The following NTM variants were observed in gnomAD, a reference collection of about 807,000 sequenced individuals.
NTM encodes the protein neurotrimin.
NTM carries 13 observed loss-of-function variants against 42.1 expected under a neutral mutation model. The observed-to-expected ratio is 0.31, with a 90% CI of 0.20 to 0.49. The LOEUF (loss-of-function observed/expected upper bound fraction) is 0.49, where lower values mean the gene tolerates loss of function less well. Among genes scored for constraint, NTM ranks in the 20% least tolerant of loss-of-function variants. NTM has a pLI of 0.99. For missense variants in NTM, 373 were observed against 452.8 expected (o/e 0.82, Z 1.60); for synonymous variants, 187 against 179.2 (o/e 1.04, Z -0.35).
At chr11:131,906,111 T>A (rs1592723618) in intron 1 of NTM, among the ~76,000 whole-genome samples, 1 of 152,140 alleles carries the variant, frequency 6.6e-6, no homozygotes, top group African/African-American at 2.4e-5. Flanking sequence ...TTTTTGTTCC[T>A]CTCAACACAG....
intron 1 of NTM, among the ~76,000 whole-genome samples, chr11:131,763,309 G>A (rs2084529992): frequency 6.6e-6 from 1 of 152,200 alleles, no homozygotes; most frequent in Non-Finnish European, 1.5e-5. Context: ...GAAATGTGGT[G>A]ATGCAAGATT....
At chr11:131,660,637 TC>T (rs1296321580) in intron 1 of NTM, 1 of 453,578 alleles carries the variant, frequency 2.2e-6, no homozygotes, top group Non-Finnish European at 4.4e-6. Context: ...TGTGCACCCC[TC>T]CCCCCTTATT....
intron 2 of NTM, among the ~76,000 whole-genome samples, chr11:131,926,509 C>T (rs570596216): frequency 2.0e-5 from 3 of 151,904 alleles, no homozygotes; most frequent in Admixed American, 6.6e-5. Context: ...ATGACCTAGT[C>T]AAAGACGAGC....
chr11:131,714,845 C>T (rs2077523977), intron 1 of NTM, among the ~76,000 whole-genome samples: 1 of 152,134 alleles, frequency 6.6e-6, no homozygotes, highest in African/African-American at 2.4e-5. Flanking sequence ...TGTCCACAGC[C>T]TTTGCAGTTT....
chr11:131,430,199 A>C (rs1948539818), intron 1 of NTM, among the ~76,000 whole-genome samples: 1 of 152,214 alleles, frequency 6.6e-6, no homozygotes, highest in Admixed American at 6.5e-5. Flanking sequence ...AATTGCAATA[A>C]AACAAAAATA....
chr11:131,600,588 G>T (rs1359551310), intron 1 of NTM, among the ~76,000 whole-genome samples: 1 of 152,098 alleles, frequency 6.6e-6, no homozygotes, highest in Non-Finnish European at 1.5e-5. Flanking sequence ...CCATGCTATT[G>T]CTTTGCATTT....
intron 1 of NTM, among the ~76,000 whole-genome samples, chr11:131,431,920 G>A (rs753926226): frequency 9.9e-5 from 15 of 152,002 alleles, no homozygotes; most frequent in Admixed American, 2.0e-4. Context: ...CAACCACCAC[G>A]CAAACTTCCC....
At position 132,002,748 on chromosome 11, in the gene NTM, C is replaced by T. The variant is rs2069608118; in HGVS notation, c.167+91100C>T. 1.3e-5 allele frequency among the ~76,000 whole-genome samples: 2 copies of T among 152,086 alleles called. No individual in the cohort carries two copies. The highest frequency in any genetic ancestry group is 6.5e-5 in the Admixed American group (1 of 15,270). On this transcript the variant is annotated intron_variant, in intron 2 of 8. Transcript: ENST00000683400. This position sits in a 1 kb window ranked among gnomAD's most constrained non-coding sequence, Gnocchi z 4.5. ...GTTTGAATTCAAGTTCTGCCACTTC[C>T]TTACTCTGTCTCTTTATCAATAAAC...
At chr11:132,028,556 T>C (rs1405929525) in intron 2 of NTM, among the ~76,000 whole-genome samples, 2 of 152,094 alleles carry the variant, frequency 1.3e-5, no homozygotes, top group Admixed American at 6.5e-5. Context: ...GATGTGACCA[T>C]GGGTGTGGGG....
At chr11:131,382,690 C>T (rs975145337) in intron 1 of NTM, among the ~76,000 whole-genome samples, 2 of 152,128 alleles carry the variant, frequency 1.3e-5, no homozygotes, top group African/African-American at 4.8e-5. Context: ...TGGCATCCTT[C>T]GTTCTTTCTT....
At chr11:132,164,678 A>G (rs2074978880) in intron 3 of NTM, among the ~76,000 whole-genome samples, 3 of 151,968 alleles carry the variant, frequency 2.0e-5, no homozygotes, top group Admixed American at 2.0e-4. Flanking sequence ...GTTGTCACAA[A>G]TGGGGACACT....
intron 1 of NTM, among the ~76,000 whole-genome samples, chr11:131,617,501 A>G (rs930968140): frequency 4.6e-5 from 7 of 152,126 alleles, no homozygotes; most frequent in Admixed American, 3.3e-4. Flanking sequence ...AAGTGAAAGT[A>G]TGAGCTGAGC....
intron 1 of NTM, among the ~76,000 whole-genome samples, chr11:131,828,123 A>G (rs1684294240): frequency 6.6e-6 from 1 of 151,234 alleles, no homozygotes; most frequent in Non-Finnish European, 1.5e-5. Flanking sequence ...TATTTGTAAG[A>G]TGAAGAAAAA....
intron 1 of NTM, among the ~76,000 whole-genome samples, chr11:131,377,315 T>G (rs1181988137): frequency 6.6e-6 from 1 of 152,194 alleles, no homozygotes; most frequent in Admixed American, 6.5e-5. Context: ...GTCATTGTCT[T>G]GTGTGTTTGA....
chr11:131,403,858 A>T (rs1487600800), intron 1 of NTM, among the ~76,000 whole-genome samples: 1 of 152,178 alleles, frequency 6.6e-6, no homozygotes, highest in Non-Finnish European at 1.5e-5. Flanking sequence ...CACTCCTGTT[A>T]TAATGGAAAA....
intron 1 of NTM, among the ~76,000 whole-genome samples, chr11:131,446,520 A>AT (rs955438738): frequency 3.9e-5 from 6 of 152,200 alleles, no homozygotes; most frequent in African/African-American, 1.4e-4. Context: ...CATTAAAAAA[A>AT]ATGAATTCTT....
At chr11:131,552,163 A>T (rs1445336655) in intron 1 of NTM, among the ~76,000 whole-genome samples, 1 of 152,206 alleles carries the variant, frequency 6.6e-6, no homozygotes, top group Non-Finnish European at 1.5e-5. Context: ...GGAGAGAGAC[A>T]GGGTCAGGAA....
intron 2 of NTM, among the ~76,000 whole-genome samples, chr11:131,975,141 T>A (rs1233844347): frequency 6.6e-6 from 1 of 152,098 alleles, no homozygotes; most frequent in East Asian, 1.9e-4. Context: ...TTCTTCTTAT[T>A]TTTTGCCTTT....
chr11:131,738,710 A>G (rs943289202), intron 1 of NTM, among the ~76,000 whole-genome samples: 8 of 152,198 alleles, frequency 5.3e-5, no homozygotes, highest in East Asian at 1.9e-4. Context: ...TGCTTTGCCA[A>G]TAAGCCATGA....
Sources: gnomAD v4.1 joint callset for allele counts (sites outside exome capture counted in the v4.1 genomes callset) on GRCh38, gnomAD v4.1.1 for gene constraint, Gnocchi (gnomAD v3.1) non-coding constraint, MANE v1.5 for transcripts, NCBI Gene and HGNC (gene_info 2026-07-23, HGNC 2026-07-21) for gene names.